PTPN13: variants seen among roughly 807,000 people sequenced by gnomAD.
The protein encoded by PTPN13 is protein tyrosine phosphatase non-receptor type 13.
Under a neutral mutation model 284.0 loss-of-function variants are expected in PTPN13, and 191 were observed. The ratio of observed to expected loss-of-function variants is 0.67; its 90% CI spans 0.60 to 0.76. The LOEUF (loss-of-function observed/expected upper bound fraction) is 0.76. Among genes scored for constraint, PTPN13 ranks in the 30% least tolerant of loss-of-function variants. The pLI is 0.00. For missense variants in PTPN13, 2,797 were observed against 2,939.9 expected, an observed-to-expected ratio of 0.95 and a Z score of 1.12; for synonymous variants, 986 against 1,022.3, an observed-to-expected ratio of 0.96 and a Z score of 0.68.
At chr4:86,759,226 C>G (rs933155707) in intron 23 of PTPN13, among the ~76,000 whole-genome samples, 153 bp downstream of exon 23, 6 of 152,040 alleles carry the variant, frequency 3.9e-5, no homozygotes, top group Non-Finnish European at 8.8e-5. Context: ...TTTCTTTTGT[C>G]AAATCAGAGA....
intron 47 of PTPN13, among the ~76,000 whole-genome samples, chr4:86,813,684 C>G (rs1560451000): frequency 6.6e-6 from 1 of 152,144 alleles, no homozygotes. Flanking sequence ...GCCTCGGCCT[C>G]TGAGATTACA....
At chr4:86,738,503 A>G (rs149165439) in intron 15 of PTPN13, among the ~76,000 whole-genome samples, 1 of 152,306 alleles carries the variant, frequency 6.6e-6, no homozygotes, top group East Asian at 1.9e-4. Context: ...TGCCATTTAT[A>G]TATCATCTTT....
intron 1 of PTPN13, among the ~76,000 whole-genome samples, chr4:86,632,255 G>T (rs531526662): frequency 7.9e-5 from 12 of 152,224 alleles, no homozygotes; most frequent in African/African-American, 2.9e-4. Flanking sequence ...ATCTATAGAT[G>T]GAAGACAGTG....
chr4:86,812,309 CAAA>C (rs555017151), intron 47 of PTPN13, among the ~76,000 whole-genome samples: 2 of 58,728 alleles, frequency 3.4e-5, no homozygotes, highest in African/African-American at 1.2e-4. Context: ...GACTCCGTCT[CAAA>C]AAAAAAAAAA....
chr4:86,663,877 AAAAC>A (rs762142211), intron 2 of PTPN13, among the ~76,000 whole-genome samples: 26 of 152,328 alleles, frequency 1.7e-4, no homozygotes, highest in African/African-American at 5.3e-4. Context: ...TGTAAGCTGT[AAAAC>A]AAACAAAAAG....
At chr4:86,627,009 G>T (rs1430433247) in intron 1 of PTPN13, among the ~76,000 whole-genome samples, 1 of 152,010 alleles carries the variant, frequency 6.6e-6, no homozygotes, top group East Asian at 1.9e-4. Flanking sequence ...TACATATATG[G>T]TAAAATATTT....
At chr4:86,605,692 G>A in intron 1 of PTPN13, among the ~76,000 whole-genome samples, 1 of 151,576 alleles carries the variant, frequency 6.6e-6, no homozygotes, top group East Asian at 1.9e-4. Context: ...GTCATAGGAG[G>A]CAAGATTATC....
chr4:86,734,471 GT>G lies in PTPN13; in HGVS notation c.2012+18del. ...AGTCTAATACAGTGAGTACACAAGA[GT>G]TTCTCTTTTGCTCTTTTTGGACACT... On this transcript the variant is annotated intron_variant, in intron 13 of 47. Transcript: ENST00000411767. 6.6e-7 allele frequency: 1 copy of G among 1,516,392 alleles called. No homozygotes were observed. Among genetic ancestry groups the G allele is most frequent in the Non-Finnish European group, 8.8e-7 (1 of 1,131,134 alleles). 93.9% of individuals were successfully genotyped at this position (1,516,392 alleles called of 1,614,324 possible).
intron 40 of PTPN13, among the ~76,000 whole-genome samples, chr4:86,791,515 C>T (rs2149337175): frequency 6.6e-6 from 1 of 152,312 alleles, no homozygotes; most frequent in South Asian, 2.1e-4. Flanking sequence ...CCCAGCATGG[C>T]GTTCGAACTC....
chr4:86,726,474 G>T (rs12331502), intron 10 of PTPN13, among the ~76,000 whole-genome samples: 34,061 of 147,980 alleles, frequency 0.23, 5,648 homozygotes, highest in East Asian at 0.28. Context: ...TTCCATTTGT[G>T]TGTGTCTTTT....
intron 37 of PTPN13, 94 bp from the exon 38 acceptor site, chr4:86,784,371 C>G (rs571215773): frequency 3.9e-6 from 3 of 776,838 alleles, no homozygotes; most frequent in African/African-American, 3.6e-5. Flanking sequence ...GGATCTTGTA[C>G]TAAGAAAGAA....
intron 2 of PTPN13, among the ~76,000 whole-genome samples, chr4:86,669,443 A>G (rs1727487959): frequency 6.6e-6 from 1 of 151,984 alleles, no homozygotes; most frequent in African/African-American, 2.4e-5. Context: ...ACTGTACGCT[A>G]TAAATAAGTA....
At chr4:86,782,035 ATAT>A (rs1375350987) in intron 36 of PTPN13, among the ~76,000 whole-genome samples, 163 bp from the exon 37 acceptor site, 1 of 152,142 alleles carries the variant, frequency 6.6e-6, no homozygotes, top group East Asian at 1.9e-4. Flanking sequence ...TTGGAATCAA[ATAT>A]TATTCCATTT....
Position 86,735,692 on chromosome 4 carries a change from G to A in PTPN13, c.2250G>A (p.Leu750=). The A allele has an allele frequency of 6.2e-7, 1 of 1,613,176 alleles. No homozygotes were observed. The highest frequency in any genetic ancestry group is 8.5e-7 in the Non-Finnish European group (1 of 1,179,564). Residue 750 remains leucine (L), a synonymous_variant, in exon 15 of 48, where the codon TTG becomes TTA. Transcript: ENST00000411767. ...LSYIKEELPK[L]HNTYVGASEK... is the part of the protein sequence containing the mutation. ...ATATCAAAGAAGAGTTACCCAAATT[G>A]CATAATACCTATGTGGGAGCTTCTG...
Position 86,630,426 on chromosome 4 carries a change from A to G in PTPN13, c.-5-4826A>G, listed in dbSNP as rs573514379. Among the ~76,000 whole-genome samples the G allele has an allele frequency of 3.9e-5, 6 of 152,332 alleles. 1 individual carries two copies. In the South Asian group the frequency reaches 1.2e-3, roughly 32 times the overall value. ...TTACACTATTTAAATTGGAATCACCATGCGAATCTGTTATTCTAACTCACC... is the reference window on the plus strand; with the variant it reads ...TTACACTATTTAAATTGGAATCACCGTGCGAATCTGTTATTCTAACTCACC... On this transcript the variant is annotated intron_variant, in intron 1 of 47. Coordinates refer to ENST00000411767, the MANE Select transcript of PTPN13 (RefSeq NM_080683.3).
intron 1 of PTPN13, among the ~76,000 whole-genome samples, chr4:86,624,508 T>C (rs1417639664): frequency 6.6e-6 from 1 of 152,236 alleles, no homozygotes; most frequent in Non-Finnish European, 1.5e-5. Context: ...TAGCCCTTTG[T>C]TGAATAGTTA....
At chr4:86,796,850 G>T in intron 40 of PTPN13, 24 bp from the exon 41 acceptor site, 2 of 1,422,336 alleles carry the variant, frequency 1.4e-6, no homozygotes, top group Non-Finnish European at 1.9e-6. Context: ...GGGCTGATTT[G>T]ATTCTTATAT....
chr4:86,624,280 TTC>T (rs1370898697), intron 1 of PTPN13, among the ~76,000 whole-genome samples: 1 of 152,104 alleles, frequency 6.6e-6, no homozygotes, highest in Non-Finnish European at 1.5e-5. Flanking sequence ...AATCTTTGAC[TTC>T]TCTCTACTTA....
rs1565629903 is a variant in PTPN13, at chr4:86,807,710, A to G, written c.6896A>G (p.Glu2299Gly). The change falls in exon 45 of 48, where the codon GAG (glutamate) becomes GGG (glycine). Residue 2299 changes from glutamate to glycine, a missense_variant. Transcript: ENST00000411767. ...TVGDFWQMIW[E>G]QKSTVIAMMT... is the part of the protein sequence containing the mutation. ...GGAGACTTCTGGCAGATGATTTGGG[A>G]GCAAAAATCCACAGTGATAGCCATG... The G allele has an allele frequency of 1.2e-6, 2 of 1,614,026 alleles. No individual in the cohort carries two copies. The highest frequency in any genetic ancestry group is 2.2e-5 in the East Asian group (1 of 44,890).
Sources: allele counts gnomAD v4.1 joint callset (sites outside exome capture counted in the v4.1 genomes callset), GRCh38; gene constraint gnomAD v4.1.1; transcripts MANE v1.5; gene names NCBI Gene and HGNC (gene_info 2026-07-23, HGNC 2026-07-21).